UNC80: variants seen among roughly 807,000 people sequenced by gnomAD.
UNC80 encodes protein unc-80 homolog.
A neutral mutation model predicts 384.6 loss-of-function variants in UNC80; 164 were observed. The ratio of observed to expected loss-of-function variants is 0.43; its 90% CI spans 0.38 to 0.49. The LOEUF is 0.49. Among genes scored for constraint, UNC80 ranks in the 20% least tolerant of loss-of-function variants. UNC80 has a pLI of 0.00. For missense variants in UNC80, 3,330 were observed against 4,143.0 expected (o/e 0.80, Z 5.39); for synonymous variants, 1,486 against 1,527.8 (o/e 0.97, Z 0.64).
intron 4 of UNC80, among the ~76,000 whole-genome samples, chr2:209,782,719 T>G (rs761830139): frequency 2.6e-5 from 4 of 152,112 alleles, no homozygotes; most frequent in Non-Finnish European, 5.9e-5. Context: ...TCAATGCATA[T>G]TTTATATTTT....
At chr2:209,795,567 G>A (rs1455129818) in intron 7 of UNC80, 2 of 152,214 alleles carry the variant, frequency 1.3e-5, no homozygotes, top group Non-Finnish European at 2.9e-5. Context: ...AGGCCCAGAG[G>A]CCCAGGAGGA....
intron 12 of UNC80, among the ~76,000 whole-genome samples, chr2:209,819,576 C>CA (rs1211770382): frequency 2.7e-5 from 4 of 150,900 alleles, no homozygotes; most frequent in African/African-American, 9.7e-5. Context: ...AGAATGAGGG[C>CA]AAAAAAATTC....
In UNC80 at chr2:209,834,988, C is replaced by G. The variant is rs1337125361; in HGVS notation, c.3019C>G (p.Arg1007Gly). Residue 1007 changes from arginine to glycine, a missense_variant, in exon 18 of 65, where the codon CGC becomes GGC. Transcript: ENST00000673920. ...PEECRSFMSG[R>G]PSQTPEHDEQ... ...GGAATGTCGCAGCTTCATGTCTGGT[C>G]GCCCCTCACAGACTCCAGAGCAGTA... 1 of 1,550,688 alleles carries G rather than the reference C, an allele frequency of 6.4e-7. No homozygotes were observed. The highest frequency in any genetic ancestry group is 1.2e-5 in the South Asian group (1 of 83,950).
rs572108042 is a variant in UNC80, at chr2:209,801,299, T to C, written c.938+7440T>C. Among the ~76,000 whole-genome samples, 7 of 152,228 alleles carry C rather than the reference T, an allele frequency of 4.6e-5. No homozygotes were observed. In the South Asian group the frequency reaches 6.2e-4, roughly 14 times the overall value. On this transcript the variant is annotated intron_variant, in intron 7 of 64. Coordinates refer to ENST00000673920, the MANE Select transcript of UNC80 (RefSeq NM_001371986.1). ...TATTGAATTGTTCCCTTCACCATTA[T>C]GTAATGCCTTTCTTTGCCTTTTTTG...
Position 209,939,612 on chromosome 2 carries a change from T to C in UNC80, c.6606T>C (p.Ser2202=), listed in dbSNP as rs1427618436. The C allele has an allele frequency of 1.3e-6, 2 of 1,551,552 alleles. No homozygotes were observed. Among genetic ancestry groups the C allele is most frequent in the African/African-American group, 1.4e-5 (1 of 73,174 alleles). The change falls in exon 43 of 65, where the codon AGT becomes AGC. Residue 2202 remains serine, a synonymous_variant. Coordinates refer to ENST00000673920, the MANE Select transcript of UNC80 (RefSeq NM_001371986.1). ...TCCGCCTGCCCTCATTCCCTCGTAG[T>C]GCTATTGATGCTGAGTTTTCACTCT... ...DLLRLPSFPR[S]AIDAEFSLFS...
Position 209,845,616 on chromosome 2 carries a change from G to A in UNC80, c.3454+3170G>A, listed in dbSNP as rs547580686. ...TTGTGTCAACAATACCTGAAATGCAGTTTATTTTTGCATGTCTAGAAAACA... is the reference window on the plus strand; with the variant it reads ...TTGTGTCAACAATACCTGAAATGCAATTTATTTTTGCATGTCTAGAAAACA... On this transcript the variant is annotated intron_variant, in intron 21 of 64. Transcript: ENST00000673920. Among the ~76,000 whole-genome samples the A allele has an allele frequency of 5.3e-5, 8 of 152,256 alleles. No individual in the cohort carries two copies. The South Asian group carries it at 1.7e-3, about 32-fold the overall frequency.
intron 25 of UNC80, among the ~76,000 whole-genome samples, chr2:209,881,454 A>C (rs999143181): frequency 5.3e-5 from 8 of 152,210 alleles, no homozygotes; most frequent in African/African-American, 1.9e-4. Flanking sequence ...TTTTATACCA[A>C]CTGCTCATAA....
chr2:209,921,467 C>A, intron 33 of UNC80, 33 bp from the exon 34 acceptor site: 1 of 1,521,484 alleles, frequency 6.6e-7, no homozygotes, highest in Non-Finnish European at 8.8e-7. Context: ...AGAAGAATTG[C>A]TATTAAATGA....
At chr2:209,990,486 A>G (rs1418754232) in intron 61 of UNC80, among the ~76,000 whole-genome samples, 2 of 152,202 alleles carry the variant, frequency 1.3e-5, no homozygotes, top group Non-Finnish European at 2.9e-5. Context: ...TTAATGGCCA[A>G]GGGAACTGAG....
rs2079190063 is a variant in UNC80 at position 209,809,666 on chromosome 2, C to T, written c.939-3914C>T. On this transcript the variant is annotated intron_variant, in intron 7 of 64. Transcript: ENST00000673920. ...CCCCAAGCTCCAGAAGGAAGGAGTA[C>T]ACCATGTCCTCATGCCACAGAATTC... 8 of 567,550 alleles carry T rather than the reference C, an allele frequency of 1.4e-5. No homozygotes were observed. The South Asian group carries it at 1.8e-4, about 13-fold the overall frequency. 35.2% of individuals were successfully genotyped at this position (567,550 alleles called of 1,614,324 possible). A position where few individuals can be genotyped will look rare whatever the true frequency, so the allele number is the denominator to read the frequency against.
Position 209,816,919 on chromosome 2 carries a change from G to A in UNC80, c.1346G>A (p.Arg449His), listed in dbSNP as rs867853653. ...CTCTCATCACTGTAGTTCAAGAGCC[G>A]CAAAGAAGACCGAGAGAGGAAAGGC... ...GMNIFKKFKS[R>H]KEDRERKGSI... Residue 449 changes from arginine to histidine, a missense_variant, in exon 10 of 65, where the codon CGC becomes CAC. Transcript: ENST00000673920. The A allele has an allele frequency of 5.2e-5, 80 of 1,551,474 alleles. No homozygotes were observed. Among genetic ancestry groups the A allele is most frequent in the Non-Finnish European group, 5.7e-5 (65 of 1,146,994 alleles).
In UNC80 at chr2:209,917,985, T is replaced by TA. The variant is rs1559327295; in HGVS notation, c.5211+28dup. 3 of 1,547,460 alleles carry TA rather than the reference T, an allele frequency of 1.9e-6. No homozygotes were observed. In the South Asian group the frequency reaches 3.6e-5, roughly 18 times the overall value. On this transcript the variant is annotated intron_variant, in intron 32 of 64. Coordinates refer to ENST00000673920, the MANE Select transcript of UNC80 (RefSeq NM_001371986.1). The stretch of plus-strand genomic sequence containing the variant: ...TGAGGGATACTTCTCACAGAGGAGT[T>TA]ACATTAGCAAACCCAACCCAAGGTT...
chr2:209,806,747 A>G (rs1452464340), intron 7 of UNC80, among the ~76,000 whole-genome samples: 1 of 152,234 alleles, frequency 6.6e-6, no homozygotes, highest in East Asian at 1.9e-4. Context: ...AGTGAACTGC[A>G]CATCAGTCTT....
intron 22 of UNC80, among the ~76,000 whole-genome samples, chr2:209,861,562 G>C (rs2083343561): frequency 6.6e-6 from 1 of 152,162 alleles, no homozygotes; most frequent in Non-Finnish European, 1.5e-5. Context: ...ATGAGTTAGG[G>C]AGAAGTCCCT....
intron 42 of UNC80, among the ~76,000 whole-genome samples, chr2:209,939,256 G>C (rs2091462171): frequency 6.6e-6 from 1 of 152,160 alleles, no homozygotes; most frequent in Admixed American, 6.5e-5. Flanking sequence ...ATTTCCTTCT[G>C]TAAAGCAGGC....
intron 36 of UNC80, 40 bp from the exon 37 acceptor site, chr2:209,929,831 C>A: frequency 7.2e-7 from 1 of 1,392,780 alleles, no homozygotes; most frequent in Non-Finnish European, 9.7e-7. Flanking sequence ...AGACTTAACT[C>A]CATTAAAGAC....
chr2:209,777,220 A>T, intron 3 of UNC80, 38 bp from the exon 4 acceptor site: 1 of 1,537,442 alleles, frequency 6.5e-7, no homozygotes, highest in Non-Finnish European at 8.7e-7. Context: ...CTGGTCACAG[A>T]GTTTTTCTTA....
intron 7 of UNC80, among the ~76,000 whole-genome samples, chr2:209,812,580 CTT>C (rs1412263508): frequency 3.9e-5 from 6 of 152,122 alleles, no homozygotes; most frequent in African/African-American, 1.4e-4. Flanking sequence ...AAACATCTCT[CTT>C]TTGCATCACC....
rs1447834124 is a variant in UNC80 at position 209,955,728 on chromosome 2, TATATATATATACACACAC to T, written c.7457+1460_7457+1477del. 3.6e-4 allele frequency among the ~76,000 whole-genome samples: 26 copies of T among 72,254 alleles called. 1 individual carries two copies. Among genetic ancestry groups the T allele is most frequent in the Middle Eastern group, 6.2e-3 (1 of 162 alleles). The allele number at this position is 72,254 out of a possible 152,430, so 47.4% of individuals were successfully genotyped here. On this transcript the variant is annotated intron_variant, in intron 48 of 64. Transcript: ENST00000673920. The stretch of plus-strand genomic sequence containing the variant: ...ATATATATATATATATATATATATA[TATATATATATACACACAC>T]ACACACACACACAGAGAGAGACTGA...
Sources: gnomAD v4.1 joint callset for allele counts (sites outside exome capture counted in the v4.1 genomes callset) on GRCh38, gnomAD v4.1.1 for gene constraint, MANE v1.5 for transcripts, NCBI Gene and HGNC (gene_info 2026-07-23, HGNC 2026-07-21) for gene names.